The following ABCF1 variants were observed in gnomAD, a reference collection of about 807,000 sequenced individuals.
ABCF1 encodes the protein ATP binding cassette subfamily F member 1.
Under a neutral mutation model 126.3 loss-of-function variants are expected in ABCF1, and 73 were observed. The observed-to-expected ratio is 0.58, with a 90% CI of 0.48 to 0.70. The LOEUF is 0.70. Ranked by LOEUF, ABCF1 falls within the 30% of genes least tolerant of loss-of-function variation. The pLI, the probability that ABCF1 is intolerant of heterozygous loss-of-function variation, is 0.00. For missense variants in ABCF1, 786 were observed against 1,057.5 expected (o/e 0.74, Z 3.56); for synonymous variants, 345 against 396.4 (o/e 0.87, Z 1.54).
At chr6:30,573,041 A>G (rs1582565289) in intron 1 of ABCF1, among the ~76,000 whole-genome samples, 1 of 152,196 alleles carries the variant, frequency 6.6e-6, no homozygotes, top group Admixed American at 6.5e-5. Context: ...TGCATAAGGA[A>G]TGATTATGAA....
intron 8 of ABCF1, 68 bp from the exon 9 acceptor site, chr6:30,582,326 G>T (rs1490576945): frequency 1.7e-5 from 17 of 976,026 alleles, no homozygotes; most frequent in East Asian, 2.6e-5. Context: ...AAAGTGCTGG[G>T]ATTACAGGCG....
chr6:30,578,680 A>T lies in ABCF1; in HGVS notation c.489+103A>T, dbSNP rs573396693. On this transcript the variant is annotated intron_variant, in intron 6 of 24. Coordinates refer to ENST00000326195, the MANE Select transcript of ABCF1 (RefSeq NM_001025091.2). ...AAACTAGCTCTTCTCGGTCTGTCTT[A>T]CTTATACTGTTAAAATCATCTTTTT... The T allele has an allele frequency of 4.7e-5, 48 of 1,027,766 alleles. No individual in the cohort carries two copies. The African/African-American group carries it at 6.6e-4, about 14-fold the overall frequency. 63.7% of individuals were successfully genotyped at this position (1,027,766 alleles called of 1,614,324 possible).
Position 30,579,934 on chromosome 6 carries a change from G to A in ABCF1, c.493G>A (p.Val165Ile), listed in dbSNP as rs748444908. The A allele has an allele frequency of 6.2e-6, 10 of 1,612,704 alleles. No individual in the cohort carries two copies. The highest frequency in any genetic ancestry group is 1.7e-4 in the Middle Eastern group (1 of 6,060). ...TGTGTATGTGTGTCTCCTCCAGGCC[G>A]TATCTGAGGAACAGCAGCCTGCACT... ...KPEKNRINKA[V>I]SEEQQPALKG... is the part of the protein sequence containing the mutation. The change falls in exon 7 of 25, where the codon GTA (valine) becomes ATA (isoleucine). Residue 165 changes from valine to isoleucine, a missense_variant. Around this residue, in one of 4 missense-constraint regions of ABCF1, gnomAD observed 322 missense variants for 322.9 expected, o/e 1.00. Coordinates refer to ENST00000326195, the MANE Select transcript of ABCF1 (RefSeq NM_001025091.2).
rs1282463640 is a variant in ABCF1, at chr6:30,584,225, C to T, written c.1136C>T (p.Ala379Val). 4.3e-6 allele frequency: 7 copies of T among 1,612,892 alleles called. No homozygotes were observed. Among genetic ancestry groups the T allele is most frequent in the Non-Finnish European group, 5.9e-6 (7 of 1,179,970 alleles). ...GCAGATGAGACACCAGCAGTCCAGG[C>T]TGTTCTTCGAGCTGACACCAAGCGA... ...VVADETPAVQ[A>V]VLRADTKRLK... The change falls in exon 13 of 25, where the codon GCT becomes GTT. Residue 379 changes from alanine to valine, a missense_variant. Ala to Val is a moderately conservative substitution (Grantham distance 64). Coordinates refer to ENST00000326195, the MANE Select transcript of ABCF1 (RefSeq NM_001025091.2). This position sits in a 1 kb window ranked among gnomAD's most constrained non-coding sequence, Gnocchi z 4.6.
chr6:30,576,116 T>C (rs1012811334), intron 1 of ABCF1, among the ~76,000 whole-genome samples: 3 of 149,854 alleles, frequency 2.0e-5, no homozygotes, highest in African/African-American at 7.4e-5. Flanking sequence ...GTGTGTTGTA[T>C]ACATGTGTGT....
chr6:30,582,285 T>C, intron 8 of ABCF1, 109 bp from the exon 9 acceptor site: 2 of 658,572 alleles, frequency 3.0e-6, no homozygotes, highest in Non-Finnish European at 5.4e-6. Context: ...CTTGATCTCC[T>C]GACCTTGGGA....
rs1301647159 is a variant in ABCF1, at chr6:30,591,117, T to C, written c.*416T>C. The C allele has an allele frequency of 5.9e-6, 1 of 170,658 alleles. No individual in the cohort carries two copies. Among genetic ancestry groups the C allele is most frequent in the Non-Finnish European group, 1.2e-5 (1 of 80,980 alleles). The allele number at this position is 170,658 out of a possible 1,614,324, so 10.6% of individuals were successfully genotyped here. ...TGCTGTTCTTTTCTGGTGGATTTAATGCTGACTCACTGGTACAAACAGCTG... is the reference window on the plus strand; with the variant it reads ...TGCTGTTCTTTTCTGGTGGATTTAACGCTGACTCACTGGTACAAACAGCTG... On this transcript the variant is annotated 3_prime_UTR_variant, in exon 25 of 25. Transcript: ENST00000326195.
intron 15 of ABCF1, 52 bp downstream of exon 15, chr6:30,585,395 T>C: frequency 6.3e-7 from 1 of 1,594,526 alleles, no homozygotes; most frequent in Non-Finnish European, 8.6e-7. Context: ...TTCTTCCCCT[T>C]CCCTCCCTGC....
chr6:30,585,643 C>G lies in ABCF1; in HGVS notation c.1561C>G (p.Leu521Val). Residue 521 changes from leucine (L) to valine (V), a missense_variant, in exon 16 of 25, where the codon CTC (leucine) becomes GTC (valine). Transcript: ENST00000326195. Reference sequence around the variant, plus strand: ...TGATGTCTGCACTGATATCATCCACCTCGATGCCCAGCGGCTCCACTACTA... The same window carrying G: ...TGATGTCTGCACTGATATCATCCACGTCGATGCCCAGCGGCTCCACTACTA... ...LDDVCTDIIHLDAQRLHYYRG... is the reference protein window; with the variant it reads ...LDDVCTDIIHVDAQRLHYYRG... 3.7e-6 allele frequency: 6 copies of G among 1,613,024 alleles called. No homozygotes were observed. Among genetic ancestry groups the G allele is most frequent in the Non-Finnish European group, 5.1e-6 (6 of 1,180,028 alleles).
Position 30,583,507 on chromosome 6 carries a change from A to G in ABCF1, c.916-101A>G. On this transcript the variant is annotated intron_variant, in intron 10 of 24. Coordinates refer to ENST00000326195, the MANE Select transcript of ABCF1 (RefSeq NM_001025091.2). This position sits in a 1 kb window ranked among gnomAD's most constrained non-coding sequence, Gnocchi z 4.1. ...ATTATGCTGGAGGTAGCGGTTTGTC[A>G]GAGGCTTCCCTGCAGGGAGAAAGTG... is the stretch of plus-strand genomic sequence containing the variant. 2 of 1,271,752 alleles carry G rather than the reference A, an allele frequency of 1.6e-6. No homozygotes were observed. Among genetic ancestry groups the G allele is most frequent in the Non-Finnish European group, 2.3e-6 (2 of 883,498 alleles). The allele number at this position is 1,271,752 out of a possible 1,614,324, so 78.8% of individuals were successfully genotyped here.
At chr6:30,577,590 G>A in intron 2 of ABCF1, 135 bp downstream of exon 2, 2 of 1,169,850 alleles carry the variant, frequency 1.7e-6, no homozygotes, top group South Asian at 2.9e-5. Context: ...AGGGCACGGT[G>A]GCTTACACCT....
chr6:30,585,840 G>T, intron 16 of ABCF1, 39 bp from the exon 17 acceptor site: 7 of 1,571,856 alleles, frequency 4.5e-6, no homozygotes, highest in Non-Finnish European at 6.1e-6. Context: ...GCTGGGAAGA[G>T]GAGCAACCAC....
chr6:30,588,407 G>A (rs1027376399), intron 20 of ABCF1, among the ~76,000 whole-genome samples: 2 of 151,400 alleles, frequency 1.3e-5, no homozygotes, highest in African/African-American at 4.9e-5. Flanking sequence ...TGTCACCCAG[G>A]CTGGAGTGCA....
chr6:30,584,145 A>G lies in ABCF1; in HGVS notation c.1103-47A>G, dbSNP rs1801980613. 1 of 1,579,200 alleles carries G rather than the reference A, an allele frequency of 6.3e-7. No homozygotes were observed. The highest frequency in any genetic ancestry group is 1.4e-5 in the African/African-American group (1 of 73,492). On this transcript the variant is annotated intron_variant, in intron 12 of 24. Transcript: ENST00000326195. The surrounding 1 kb of genome is among the most constrained non-coding windows in gnomAD (Gnocchi z 4.6). ...GTAATTGAAGGGAAAGAAAGATGAG[A>G]CTCTTGGCTCTTGAGGCTGCCTGAC...
At chr6:30,572,287 T>C (rs1801293335) in intron 1 of ABCF1, among the ~76,000 whole-genome samples, 2 of 152,174 alleles carry the variant, frequency 1.3e-5, no homozygotes, top group Non-Finnish European at 2.9e-5. Context: ...GTATACCAGG[T>C]ACTGTGTGGA....
chr6:30,586,288 C>T lies in ABCF1; in HGVS notation c.1868C>T (p.Pro623Leu), dbSNP rs1582596109. 1 of 1,610,160 alleles carries T rather than the reference C, an allele frequency of 6.2e-7. No individual in the cohort carries two copies. The highest frequency in any genetic ancestry group is 1.3e-5 in the African/African-American group (1 of 74,822). The change falls in exon 18 of 25, where the codon CCA (proline) becomes CTA (leucine). Residue 623 changes from proline to leucine, a missense_variant. Transcript: ENST00000326195. This position sits in a 1 kb window ranked among gnomAD's most constrained non-coding sequence, Gnocchi z 4.9. ...TFPDPPPLSP[P>L]VLGLHGVTFG... ...CCAGACCCCCCACCACTCAGCCCTC[C>T]AGTGCTGGGTCTGCATGGTGAGTGC...
chr6:30,582,440 G>C lies in ABCF1; in HGVS notation c.725G>C (p.Gly242Ala). 1.2e-6 allele frequency: 2 copies of C among 1,612,786 alleles called. No homozygotes were observed. Among genetic ancestry groups the C allele is most frequent in the Non-Finnish European group, 1.7e-6 (2 of 1,179,824 alleles). The change falls in exon 9 of 25, where the codon GGA becomes GCA. Residue 242 changes from glycine (G) to alanine (A), a missense_variant. Around this residue, in one of 4 missense-constraint regions of ABCF1, gnomAD observed 322 missense variants for 322.9 expected, o/e 1.00. Coordinates refer to ENST00000326195, the MANE Select transcript of ABCF1 (RefSeq NM_001025091.2). ...GEGEEEEEEG[G>A]ESKADDPYAH... ...GGGGAAGAAGAGGAGGAGGAAGGAG[G>C]AGAGTCTAAGGCAGATGATCCCTAT...
In ABCF1 at chr6:30,583,499, G is replaced by C; in HGVS notation, c.916-109G>C. On this transcript the variant is annotated intron_variant, in intron 10 of 24. Coordinates refer to ENST00000326195, the MANE Select transcript of ABCF1 (RefSeq NM_001025091.2). The surrounding 1 kb of genome is among the most constrained non-coding windows in gnomAD (Gnocchi z 4.1). ...GGAAGGGGATTATGCTGGAGGTAGC[G>C]GTTTGTCAGAGGCTTCCCTGCAGGG... is the stretch of plus-strand genomic sequence containing the variant. The C allele has an allele frequency of 8.6e-7, 1 of 1,165,862 alleles. No individual in the cohort carries two copies. Among genetic ancestry groups the C allele is most frequent in the Non-Finnish European group, 1.3e-6 (1 of 791,364 alleles). The allele number at this position is 1,165,862 out of a possible 1,614,324, so 72.2% of individuals were successfully genotyped here. A position where few individuals can be genotyped will look rare whatever the true frequency, so the allele number is the denominator to read the frequency against.
In ABCF1 at chr6:30,590,927, T is replaced by C; in HGVS notation, c.*226T>C. Reference sequence around the variant, plus strand: ...TTCTCTTCATATAACTGAGCTGGCCTTATCCTTGGCATCCCCCTAAACAAA... The same window carrying C: ...TTCTCTTCATATAACTGAGCTGGCCCTATCCTTGGCATCCCCCTAAACAAA... On this transcript the variant is annotated 3_prime_UTR_variant, in exon 25 of 25. Transcript: ENST00000326195. 2.0e-6 allele frequency: 1 copy of C among 497,400 alleles called. No homozygotes were observed. Among genetic ancestry groups the C allele is most frequent in the Non-Finnish European group, 3.5e-6 (1 of 289,142 alleles). The allele number at this position is 497,400 out of a possible 1,614,324, so 30.8% of individuals were successfully genotyped here. A position where few individuals can be genotyped will look rare whatever the true frequency, so the allele number is the denominator to read the frequency against.
Sources: allele counts gnomAD v4.1 joint callset (sites outside exome capture counted in the v4.1 genomes callset), GRCh38; gene constraint gnomAD v4.1.1; regional missense constraint gnomAD v4.1.1; non-coding constraint Gnocchi (gnomAD v3.1); transcripts MANE v1.5; gene names NCBI Gene and HGNC (gene_info 2026-07-23, HGNC 2026-07-21).